The following MCTP1 variants were observed in gnomAD, a reference collection of about 807,000 sequenced individuals.
MCTP1 encodes multiple C2 and transmembrane domain containing 1, also known as multiple C2 and transmembrane domain-containing protein 1.
MCTP1 carries 69 observed loss-of-function variants against 120.6 expected under a neutral mutation model. The observed-to-expected ratio is 0.57, with a 90% CI of 0.47 to 0.70. The LOEUF (loss-of-function observed/expected upper bound fraction) is 0.70, where lower values mean the gene tolerates loss of function less well. Among genes scored for constraint, MCTP1 ranks in the 30% least tolerant of loss-of-function variants. MCTP1 has a pLI of 0.00. For missense variants in MCTP1, 1,203 were observed against 1,248.8 expected (o/e 0.96, Z 0.55); for synonymous variants, 529 against 493.1 (o/e 1.07, Z -0.96).
chr5:95,170,060 T>C (rs1321830471), intron 1 of MCTP1, among the ~76,000 whole-genome samples: 16 of 152,236 alleles, frequency 1.1e-4, no homozygotes, highest in Non-Finnish European at 2.4e-4. Flanking sequence ...TGCTATAAAT[T>C]TCCCTCTACA....
chr5:94,732,721 C>T (rs1311691248), intron 19 of MCTP1, among the ~76,000 whole-genome samples: 1 of 152,154 alleles, frequency 6.6e-6, no homozygotes, highest in Non-Finnish European at 1.5e-5. Flanking sequence ...TCTTCTGCTC[C>T]ATTCTGCCAT....
rs369897697 is a variant in MCTP1 at position 94,886,872 on chromosome 5, C to CGTGT, written c.1933+2003_1933+2006dup. Among the ~76,000 whole-genome samples, 15 of 151,394 alleles carry CGTGT rather than the reference C, an allele frequency of 9.9e-5. 1 individual carries two copies. The highest frequency in any genetic ancestry group is 3.6e-4 in the African/African-American group (15 of 41,262). On this transcript the variant is annotated intron_variant, in intron 12 of 22. Transcript: ENST00000515393. ...AAGGAAGCATCAGGATACATGTGTG[C>CGTGT]GTGTGTGTGTGTGTATATATAAAGT...
intron 19 of MCTP1, among the ~76,000 whole-genome samples, chr5:94,773,266 C>A (rs1220345677): frequency 6.6e-6 from 1 of 152,048 alleles, no homozygotes; most frequent in Non-Finnish European, 1.5e-5. Flanking sequence ...TAAAATATAC[C>A]TCAGTTTACA....
At chr5:95,213,486 C>T (rs1752649498) in intron 1 of MCTP1, among the ~76,000 whole-genome samples, 1 of 152,094 alleles carries the variant, frequency 6.6e-6, no homozygotes, top group South Asian at 2.1e-4. Context: ...CTACCAATGA[C>T]TTTCTTCACA....
intron 2 of MCTP1, among the ~76,000 whole-genome samples, chr5:94,987,091 T>C (rs1830552616): frequency 6.6e-6 from 1 of 152,180 alleles, no homozygotes; most frequent in South Asian, 2.1e-4. Flanking sequence ...GTTATTTACC[T>C]TTTTTTCAAA....
At chr5:94,948,333 C>G (rs977138157) in intron 3 of MCTP1, among the ~76,000 whole-genome samples, 1 of 152,138 alleles carries the variant, frequency 6.6e-6, no homozygotes, top group African/African-American at 2.4e-5. Flanking sequence ...ATGGTAGTAA[C>G]CATTACTATG....
intron 19 of MCTP1, among the ~76,000 whole-genome samples, chr5:94,731,631 C>T (rs1442029293): frequency 2.6e-5 from 4 of 152,180 alleles, no homozygotes; most frequent in Non-Finnish European, 5.9e-5. Context: ...CTTCCTCAAA[C>T]ATACTGTGCA....
chr5:95,073,609 A>T lies in MCTP1; in HGVS notation c.721-56125T>A, dbSNP rs908448513. Among the ~76,000 whole-genome samples the T allele has an allele frequency of 3.3e-5, 5 of 152,198 alleles. No individual in the cohort carries two copies. In the East Asian group the frequency reaches 9.6e-4, roughly 29 times the overall value. ...TTTCCCCAAGATATGGAAGAAGATG[A>T]CAGTGCTAGGAGGTGGGAGCACACT... On this transcript the variant is annotated intron_variant, in intron 1 of 22. Coordinates refer to ENST00000515393, the MANE Select transcript of MCTP1 (RefSeq NM_024717.7).
At chr5:94,941,225 C>T (rs1193253611) in intron 4 of MCTP1, among the ~76,000 whole-genome samples, 1 of 151,786 alleles carries the variant, frequency 6.6e-6, no homozygotes, top group East Asian at 1.9e-4. Context: ...TACAGAAGAA[C>T]AGTACAGTCT....
At chr5:95,152,510 A>G (rs1744645919) in intron 1 of MCTP1, among the ~76,000 whole-genome samples, 1 of 152,206 alleles carries the variant, frequency 6.6e-6, no homozygotes, top group African/African-American at 2.4e-5. Context: ...AGGAAATGTT[A>G]CCAGATATGG....
intron 1 of MCTP1, among the ~76,000 whole-genome samples, chr5:95,187,186 A>T (rs963107479): frequency 3.3e-5 from 5 of 152,228 alleles, no homozygotes; most frequent in African/African-American, 9.6e-5. Context: ...AATAGCTAAG[A>T]TTTGGAAGCA....
rs199595082 is a variant in MCTP1 at position 94,953,842 on chromosome 5, TACAC to T, written c.839-485_839-482del. ...AAATATATATATACATATATATATA[TACAC>T]AACTATATATATGCATATATATACA... On this transcript the variant is annotated intron_variant, in intron 2 of 22. Transcript: ENST00000515393. Among the ~76,000 whole-genome samples, 2 of 19,552 alleles carry T rather than the reference TACAC, an allele frequency of 1.0e-4. 1 individual carries two copies. Among genetic ancestry groups the T allele is most frequent in the South Asian group, 2.6e-3 (2 of 784 alleles). The allele number at this position is 19,552 out of a possible 152,430, so 12.8% of individuals were successfully genotyped here.
chr5:94,876,007 A>T (rs1278430095), intron 12 of MCTP1, among the ~76,000 whole-genome samples: 1 of 152,170 alleles, frequency 6.6e-6, no homozygotes, highest in Non-Finnish European at 1.5e-5. Context: ...TTCAAGGGCA[A>T]TTAAAAATTA....
At chr5:94,812,313 A>C (rs1280661707) in intron 17 of MCTP1, among the ~76,000 whole-genome samples, 1 of 152,148 alleles carries the variant, frequency 6.6e-6, no homozygotes, top group Non-Finnish European at 1.5e-5. Context: ...AATTATTCAC[A>C]AGCTTCAGGA....
chr5:94,943,465 C>A (rs1166639205), intron 3 of MCTP1, among the ~76,000 whole-genome samples: 1 of 152,040 alleles, frequency 6.6e-6, no homozygotes, highest in African/African-American at 2.4e-5. Context: ...CAGTTAGGAC[C>A]ACTTCCAAAG....
rs2347258 is a variant in MCTP1, at chr5:94,774,290, A to T, written c.2610+4820T>A. 2.0e-3 allele frequency among the ~76,000 whole-genome samples: 295 copies of T among 149,084 alleles called. 6 individuals are homozygous for T. The highest frequency in any genetic ancestry group is 7.1e-3 in the African/African-American group (283 of 39,758). On this transcript the variant is annotated intron_variant, in intron 19 of 22. Coordinates refer to ENST00000515393, the MANE Select transcript of MCTP1 (RefSeq NM_024717.7). ...ATGACTAGGTTGTGTTCTGTGGCAC[A>T]ATTGCCTTTAAGAAAAAGAGATTAT...
At chr5:95,019,528 A>G (rs1837793962) in intron 1 of MCTP1, among the ~76,000 whole-genome samples, 1 of 151,886 alleles carries the variant, frequency 6.6e-6, no homozygotes. Flanking sequence ...ATTGATGGAC[A>G]TTTGTGTTAG....
At chr5:95,099,003 GA>G (rs1347509728) in intron 1 of MCTP1, among the ~76,000 whole-genome samples, 1 of 151,914 alleles carries the variant, frequency 6.6e-6, no homozygotes, top group African/African-American at 2.4e-5. Flanking sequence ...ACAAACCTGA[GA>G]AAAACAAGCA....
chr5:94,986,846 G>A (rs767410449), intron 2 of MCTP1, among the ~76,000 whole-genome samples: 1 of 152,044 alleles, frequency 6.6e-6, no homozygotes, highest in African/African-American at 2.4e-5. Context: ...TATTAAAATG[G>A]TTAACATGTC....
Sources: gnomAD v4.1 joint callset for allele counts (sites outside exome capture counted in the v4.1 genomes callset) on GRCh38, gnomAD v4.1.1 for gene constraint, MANE v1.5 for transcripts, NCBI Gene and HGNC (gene_info 2026-07-23, HGNC 2026-07-21) for gene names.